Variants in FAM117A observed in about 807,000 individuals in gnomAD.
FAM117A encodes the protein protein FAM117A.
In FAM117A, 21 loss-of-function variants were observed where a neutral mutation model predicts 44.1. The ratio of observed to expected loss-of-function variants is 0.48; its 90% CI spans 0.34 to 0.69. The LOEUF is 0.69. Ranked by LOEUF, FAM117A falls within the 30% of genes least tolerant of loss-of-function variation. FAM117A has a pLI of 0.01. For synonymous variants in FAM117A, 220 were observed against 238.3 expected, an observed-to-expected ratio of 0.92 and a Z score of 0.71; for missense variants, 498 against 589.9, an observed-to-expected ratio of 0.84 and a Z score of 1.61.
upstream of FAM117A, among the ~76,000 whole-genome samples, chr17:49,766,086 C>G (rs1440451010): frequency 6.6e-6 from 1 of 152,074 alleles, no homozygotes. Flanking sequence ...ACCATGCATA[C>G]TTTATCTTAT....
At position 49,732,594 on chromosome 17, in the gene FAM117A, G is replaced by A. The variant is rs1007223063; in HGVS notation, c.323C>T (p.Ala108Val). ...SYLLGQWPRD[A>V]DGAFTCCTND... is the part of the protein sequence containing the mutation. Reference sequence around the variant, plus strand: ...GGTGCAGCAGGTGAAGGCCCCATCAGCATCTCGTGGCCACTGGCCCAGAAG... The same window carrying A: ...GGTGCAGCAGGTGAAGGCCCCATCAACATCTCGTGGCCACTGGCCCAGAAG... Residue 108 changes from alanine (A) to valine (V), a missense_variant, in exon 2 of 8, where the codon GCT becomes GTT. Coordinates refer to ENST00000240364, the MANE Select transcript of FAM117A (RefSeq NM_030802.4). The A allele has an allele frequency of 2.5e-6, 4 of 1,614,038 alleles. No homozygotes were observed. In the African/African-American group the frequency reaches 5.3e-5, roughly 22 times the overall value.
chr17:49,766,017 G>C (rs952019464), upstream of FAM117A, among the ~76,000 whole-genome samples: 37 of 152,244 alleles, frequency 2.4e-4, no homozygotes, highest in African/African-American at 8.2e-4. Flanking sequence ...AATAAAATCA[G>C]TAATGGTAGC....
chr17:49,767,713 G>T (rs1168199821), upstream of FAM117A, among the ~76,000 whole-genome samples: 1 of 152,094 alleles, frequency 6.6e-6, no homozygotes, highest in Non-Finnish European at 1.5e-5. Flanking sequence ...GACCAGCCTG[G>T]CCAAGATGGT....
rs182968025 is a variant in FAM117A at position 49,713,308 on chromosome 17, T to G, written c.1062-1753A>C. Reference sequence around the variant, plus strand: ...AAGGAATAGCCCTGATTCCTTACTGTATGGCCAAGCCTAGAGGGTGAAACA... The same window carrying G: ...AAGGAATAGCCCTGATTCCTTACTGGATGGCCAAGCCTAGAGGGTGAAACA... On this transcript the variant is annotated intron_variant, in intron 7 of 7. Transcript: ENST00000240364. Among the ~76,000 whole-genome samples, 734 of 152,306 alleles carry G rather than the reference T, an allele frequency of 4.8e-3. 1 individual carries two copies. The highest frequency in any genetic ancestry group is 0.011 in the Admixed American group (169 of 15,294).
chr17:49,730,160 G>A (rs2073578426), intron 2 of FAM117A, among the ~76,000 whole-genome samples: 1 of 152,200 alleles, frequency 6.6e-6, no homozygotes, highest in South Asian at 2.1e-4. Flanking sequence ...TGGTTTGGAT[G>A]CCTAGGTTGA....
intron 7 of FAM117A, among the ~76,000 whole-genome samples, chr17:49,714,334 CTTTTT>C: frequency 7.2e-6 from 1 of 139,214 alleles, no homozygotes. Flanking sequence ...CACCACCACT[CTTTTT>C]TTTTTTTTTT....
At chr17:49,747,106 G>C (rs2143762752) in intron 1 of FAM117A, 1 of 151,112 alleles carries the variant, frequency 6.6e-6, no homozygotes, top group Admixed American at 6.6e-5. Flanking sequence ...TGAAAGCTCA[G>C]AACCCATGCT....
chr17:49,749,575 CAAA>C (rs1167215497), intron 1 of FAM117A, among the ~76,000 whole-genome samples: 9 of 45,858 alleles, frequency 2.0e-4, no homozygotes, highest in Non-Finnish European at 4.6e-4. Context: ...GACTCCGTCT[CAAA>C]AAAAAAAAAA....
At chr17:49,728,685 G>A (rs1041896073) in intron 2 of FAM117A, among the ~76,000 whole-genome samples, 1 of 152,168 alleles carries the variant, frequency 6.6e-6, no homozygotes, top group African/African-American at 2.4e-5. Flanking sequence ...CAGCAAGAAG[G>A]GAAAGGGGTA....
chr17:49,775,154 A>ACCT (rs2073772227), intron 1 of FAM117A, among the ~76,000 whole-genome samples: 1 of 152,090 alleles, frequency 6.6e-6, no homozygotes, highest in Non-Finnish European at 1.5e-5. Flanking sequence ...TGCCCGGCTA[A>ACCT]TTTTTGTATT....
At chr17:49,758,639 AAATAAAT>A (rs2073709465) in intron 1 of FAM117A, among the ~76,000 whole-genome samples, 6 of 35,114 alleles carry the variant, frequency 1.7e-4, no homozygotes, top group African/African-American at 5.3e-4. Flanking sequence ...AAAAAAAATA[AAATAAAT>A]AAATAAATAA....
Position 49,716,301 on chromosome 17 carries a change from G to A in FAM117A, c.925C>T (p.His309Tyr). The change falls in exon 7 of 8, where the codon CAC becomes TAC. Residue 309 changes from histidine to tyrosine, a missense_variant. Coordinates refer to ENST00000240364, the MANE Select transcript of FAM117A (RefSeq NM_030802.4). ...CTGCCATCTTCAAGAAAGGCTGGGTGTCCTGGAGAGGAGGCTGTGAACAGA... is the reference window on the plus strand; with the variant it reads ...CTGCCATCTTCAAGAAAGGCTGGGTATCCTGGAGAGGAGGCTGTGAACAGA... ...TPNDKASSPGHPAFLEDGSPS... is the reference protein window; with the variant it reads ...TPNDKASSPGYPAFLEDGSPS... 1 of 1,595,686 alleles carries A rather than the reference G, an allele frequency of 6.3e-7. No individual in the cohort carries two copies. Among genetic ancestry groups the A allele is most frequent in the Non-Finnish European group, 8.5e-7 (1 of 1,170,826 alleles).
chr17:49,782,855 A>T (rs192892020), intron 1 of FAM117A, among the ~76,000 whole-genome samples: 1 of 152,312 alleles, frequency 6.6e-6, no homozygotes, highest in East Asian at 1.9e-4. Context: ...CTTCCTGTAC[A>T]TACTTGTCCT....
intron 1 of FAM117A, among the ~76,000 whole-genome samples, chr17:49,748,298 A>G (rs1021660841): frequency 2.0e-5 from 3 of 152,240 alleles, no homozygotes; most frequent in Non-Finnish European, 4.4e-5. Flanking sequence ...TAGAAGGTCC[A>G]GGCTCAGTTA....
intron 1 of FAM117A, among the ~76,000 whole-genome samples, chr17:49,746,835 G>A (rs1479829017): frequency 6.6e-6 from 1 of 152,214 alleles, no homozygotes; most frequent in African/African-American, 2.4e-5. Flanking sequence ...TTCCTTGCAG[G>A]TGCAAACATG....
At position 49,784,939 on chromosome 17, in the gene FAM117A, TGGTTGAACAGA is replaced by T. The variant is rs927288907; in HGVS notation, c.-621+3547_-621+3557del. Reference sequence around the variant, plus strand: ...TCACTCTGTATGTCTTCAGTTAAAGTGGTTGAACAGAGGTTGAACAGAGTTAAAGAGGTTGA... The same window carrying T: ...TCACTCTGTATGTCTTCAGTTAAAGTGGTTGAACAGAGTTAAAGAGGTTGA... On this transcript the variant is annotated intron_variant, in intron 1 of 7. Coordinates refer to the FAM117A transcript ENST00000513602. Among the ~76,000 whole-genome samples the T allele has an allele frequency of 4.6e-5, 7 of 152,312 alleles. No homozygotes were observed. In the East Asian group the frequency reaches 9.6e-4, roughly 21 times the overall value.
At chr17:49,769,842 C>T (rs2073755806) in intron 1 of FAM117A, among the ~76,000 whole-genome samples, 1 of 152,180 alleles carries the variant, frequency 6.6e-6, no homozygotes, top group Non-Finnish European at 1.5e-5. Context: ...GATTCAGCCT[C>T]TCACATTACA....
At chr17:49,712,759 T>C (rs1304978487) in intron 7 of FAM117A, among the ~76,000 whole-genome samples, 1 of 152,046 alleles carries the variant, frequency 6.6e-6, no homozygotes, top group Non-Finnish European at 1.5e-5. Context: ...TTTCAAAACT[T>C]TGAGAGGAAA....
At chr17:49,737,760 T>C (rs2073617211) in intron 1 of FAM117A, among the ~76,000 whole-genome samples, 1 of 152,238 alleles carries the variant, frequency 6.6e-6, no homozygotes, top group African/African-American at 2.4e-5. Context: ...AGGGAAAGAC[T>C]GTTAAGGAAG....
Sources: gnomAD v4.1 joint callset for allele counts (sites outside exome capture counted in the v4.1 genomes callset) on GRCh38, gnomAD v4.1.1 for gene constraint, MANE v1.5 for transcripts, NCBI Gene and HGNC (gene_info 2026-07-23, HGNC 2026-07-21) for gene names.